Variants in CTIF observed in about 807,000 individuals in gnomAD.
The protein encoded by CTIF is cap binding complex dependent translation initiation factor, also known as CBP80/20-dependent translation initiation factor.
A neutral mutation model predicts 66.0 loss-of-function variants in CTIF; 21 were observed. The observed-to-expected ratio is 0.32, with a 90% CI of 0.23 to 0.46. The LOEUF is 0.46. CTIF is among the 20% of genes least tolerant of loss of function. The pLI is 1.00. For synonymous variants in CTIF, 345 were observed against 326.4 expected, an observed-to-expected ratio of 1.06 and a Z score of -0.62; for missense variants, 739 against 812.7, an observed-to-expected ratio of 0.91 and a Z score of 1.10.
At chr18:48,775,234 C>T (rs1459843298) in intron 9 of CTIF, among the ~76,000 whole-genome samples, 1 of 152,374 alleles carries the variant, frequency 6.6e-6, no homozygotes, top group African/African-American at 2.4e-5. Context: ...ATCTCCTCCT[C>T]CTGCCTACTG....
chr18:48,828,880 C>A (rs1205562270), intron 10 of CTIF, among the ~76,000 whole-genome samples: 1 of 152,264 alleles, frequency 6.6e-6, no homozygotes, highest in East Asian at 1.9e-4. Flanking sequence ...CCCGCCTTCG[C>A]AGCCCTGGAC....
chr18:48,747,788 C>T (rs1031214686), intron 7 of CTIF, among the ~76,000 whole-genome samples: 10 of 151,282 alleles, frequency 6.6e-5, no homozygotes, highest in South Asian at 6.3e-4. Flanking sequence ...CATGATGTCA[C>T]GAGCCTGTAG....
At chr18:48,583,087 G>C (rs1205557036) in intron 1 of CTIF, among the ~76,000 whole-genome samples, 8 of 152,218 alleles carry the variant, frequency 5.3e-5, no homozygotes, top group African/African-American at 1.7e-4. Flanking sequence ...GGAGTGCCCA[G>C]ATGGGAACTG....
intron 6 of CTIF, among the ~76,000 whole-genome samples, chr18:48,703,755 A>G (rs1168021835): frequency 1.3e-5 from 2 of 151,168 alleles, no homozygotes; most frequent in Non-Finnish European, 2.9e-5. Flanking sequence ...CAGCCCGGGG[A>G]CTCCCCCTCC....
At position 48,832,173 on chromosome 18, in the gene CTIF, C is replaced by CTTTTTTTTTTTTTTT. The variant is rs61221781; in HGVS notation, c.1527+14799_1527+14813dup. On this transcript the variant is annotated intron_variant, in intron 10 of 11. Transcript: ENST00000256413. ...GCAGGGTCTGGAAAACGTGGTCCTT[C>CTTTTTTTTTTTTTTT]TTTTTTTTTTTTTTTTAAGACAGGG... Among the ~76,000 whole-genome samples, 8 of 128,280 alleles carry CTTTTTTTTTTTTTTT rather than the reference C, an allele frequency of 6.2e-5. 1 individual carries two copies. Among genetic ancestry groups the CTTTTTTTTTTTTTTT allele is most frequent in the Admixed American group, 1.5e-4 (2 of 12,950 alleles). 84.2% of individuals were successfully genotyped at this position (128,280 alleles called of 152,430 possible).
At chr18:48,726,989 G>A (rs1388620688) in intron 7 of CTIF, among the ~76,000 whole-genome samples, 3 of 150,942 alleles carry the variant, frequency 2.0e-5, no homozygotes, top group Non-Finnish European at 4.4e-5. Context: ...ACGCTCTTTG[G>A]GTGTATCTCC....
chr18:48,720,141 A>G (rs2092319252), intron 7 of CTIF, among the ~76,000 whole-genome samples: 1 of 152,182 alleles, frequency 6.6e-6, no homozygotes, highest in South Asian at 2.1e-4. Flanking sequence ...ATGAGAAGTG[A>G]CCGTACTTGC....
At chr18:48,855,695 G>A (rs1199271859) in intron 10 of CTIF, among the ~76,000 whole-genome samples, 4 of 152,234 alleles carry the variant, frequency 2.6e-5, no homozygotes, top group African/African-American at 7.2e-5. Flanking sequence ...ATCAGGACGC[G>A]GGACAGTCCT....
At chr18:48,832,446 GA>G (rs1218810450) in intron 10 of CTIF, among the ~76,000 whole-genome samples, 31 of 152,174 alleles carry the variant, frequency 2.0e-4, no homozygotes, top group African/African-American at 7.5e-4. Flanking sequence ...TAAAGAGGGG[GA>G]AAAGGTAGGA....
At chr18:48,633,907 A>C (rs1427892839) in intron 2 of CTIF, among the ~76,000 whole-genome samples, 2 of 152,192 alleles carry the variant, frequency 1.3e-5, no homozygotes, top group African/African-American at 2.4e-5. Context: ...AACACCTTAC[A>C]TAACTATAGA....
At chr18:48,797,783 T>G (rs1416209038) in intron 9 of CTIF, among the ~76,000 whole-genome samples, 1 of 152,132 alleles carries the variant, frequency 6.6e-6, no homozygotes, top group East Asian at 1.9e-4. Flanking sequence ...CAGTTAGATC[T>G]CATAGTACCT....
rs542303809 is a variant in CTIF at position 48,780,922 on chromosome 18, C to T, written c.1371+19233C>T. Among the ~76,000 whole-genome samples, 3 of 152,316 alleles carry T rather than the reference C, an allele frequency of 2.0e-5. No homozygotes were observed. In the East Asian group the frequency reaches 5.8e-4, roughly 29 times the overall value. On this transcript the variant is annotated intron_variant, in intron 9 of 11. Coordinates refer to ENST00000256413, the MANE Select transcript of CTIF (RefSeq NM_014772.3). ...CTGTCCCTCCCTCTCTCCCTGGACTCCTCTGTCATCCCATCCCCTCCTAGC... is the reference window on the plus strand; with the variant it reads ...CTGTCCCTCCCTCTCTCCCTGGACTTCTCTGTCATCCCATCCCCTCCTAGC...
chr18:48,821,559 G>A (rs1352751338), intron 10 of CTIF, among the ~76,000 whole-genome samples: 1 of 152,250 alleles, frequency 6.6e-6, no homozygotes, highest in African/African-American at 2.4e-5. Flanking sequence ...GATCCCAGTA[G>A]ATCTTGGTGG....
chr18:48,581,083 G>A (rs570878511), intron 1 of CTIF, among the ~76,000 whole-genome samples: 73 of 152,328 alleles, frequency 4.8e-4, no homozygotes, highest in Admixed American at 8.5e-4. Flanking sequence ...TTCCTTCAGC[G>A]TCATTCCAGC....
intron 9 of CTIF, among the ~76,000 whole-genome samples, chr18:48,778,917 A>G (rs1467448325): frequency 6.6e-6 from 1 of 152,176 alleles, no homozygotes; most frequent in East Asian, 1.9e-4. Flanking sequence ...TCTGGCTGAC[A>G]ATGATGCCAC....
chr18:48,669,007 A>T (rs2091480005), intron 5 of CTIF, among the ~76,000 whole-genome samples: 1 of 152,148 alleles, frequency 6.6e-6, no homozygotes, highest in South Asian at 2.1e-4. Flanking sequence ...TCTTCCACCC[A>T]GGCCTTTGCT....
chr18:48,769,958 C>T (rs1909947859), intron 9 of CTIF, among the ~76,000 whole-genome samples: 2 of 152,184 alleles, frequency 1.3e-5, no homozygotes, highest in Admixed American at 1.3e-4. Context: ...AGTGCTTAGA[C>T]CAGATCGCCC....
At chr18:48,571,240 T>C (rs1450159722) in intron 1 of CTIF, among the ~76,000 whole-genome samples, 1 of 152,178 alleles carries the variant, frequency 6.6e-6, no homozygotes, top group Non-Finnish European at 1.5e-5. Context: ...CACTGCAACC[T>C]CTGCCTCCCA....
Position 48,619,730 on chromosome 18 carries a change from G to C in CTIF, c.165G>C (p.Gln55His). The change falls in exon 2 of 12, where the codon CAG becomes CAC. Residue 55 changes from glutamine to histidine, a missense_variant. Physicochemically the swap from Gln to His is conservative, Grantham distance 24 (BLOSUM62 0). Around this residue, in one of 2 missense-constraint regions of CTIF, gnomAD observed 529 missense variants for 520.3 expected, o/e 1.02. Transcript: ENST00000256413. The stretch of plus-strand genomic sequence containing the variant: ...GTGATGGCGAGAGCGAGAGGACCCA[G>C]TCCCACATCTCCCAGGTGAGCGCGG... ...TEGDGESERTQSHISQWTADC... is the reference protein window; with the variant it reads ...TEGDGESERTHSHISQWTADC... The C allele has an allele frequency of 6.3e-7, 1 of 1,599,388 alleles. No homozygotes were observed.
Sources: allele counts gnomAD v4.1 joint callset (sites outside exome capture counted in the v4.1 genomes callset), GRCh38; gene constraint gnomAD v4.1.1; regional missense constraint gnomAD v4.1.1; transcripts MANE v1.5; gene names NCBI Gene and HGNC (gene_info 2026-07-23, HGNC 2026-07-21).